GPC6: variants seen among roughly 807,000 people sequenced by gnomAD.
GPC6 encodes glypican 6.
GPC6 carries 14 observed loss-of-function variants against 55.2 expected under a neutral mutation model. The observed-to-expected ratio is 0.25, with a 90% confidence interval of 0.17 to 0.40. The LOEUF (loss-of-function observed/expected upper bound fraction) is 0.40, where lower values mean the gene tolerates loss of function less well. GPC6 is among the 10% of genes least tolerant of loss of function. The probability of loss-of-function intolerance (pLI) is 1.00; values close to 1 mark genes in which losing one functional copy is unlikely to be tolerated. For missense variants in GPC6, 641 were observed against 708.5 expected (o/e 0.90, Z 1.08); for synonymous variants, 278 against 259.6 (o/e 1.07, Z -0.68).
chr13:93,978,699 A>T (rs962758897), intron 3 of GPC6, among the ~76,000 whole-genome samples: 3 of 152,126 alleles, frequency 2.0e-5, no homozygotes, highest in African/African-American at 7.2e-5. Flanking sequence ...CTAGTCTACA[A>T]GGTCCACTTC....
intron 3 of GPC6, among the ~76,000 whole-genome samples, chr13:93,925,482 T>C (rs1877809994): frequency 6.6e-6 from 1 of 152,204 alleles, no homozygotes; most frequent in Non-Finnish European, 1.5e-5. Flanking sequence ...ATAAAAGTTG[T>C]ATGTAAAACT....
At chr13:93,397,868 T>C (rs962131219) in intron 1 of GPC6, among the ~76,000 whole-genome samples, 4 of 152,172 alleles carry the variant, frequency 2.6e-5, no homozygotes, top group African/African-American at 2.4e-5. Flanking sequence ...TTTATGACCC[T>C]GTACAGAGTG....
At chr13:94,204,118 T>A (rs1265327023) in intron 4 of GPC6, among the ~76,000 whole-genome samples, 2 of 152,146 alleles carry the variant, frequency 1.3e-5, no homozygotes, top group African/African-American at 4.8e-5. Flanking sequence ...TAGAAAGGGA[T>A]AGATTTAAAC....
intron 1 of GPC6, among the ~76,000 whole-genome samples, chr13:93,248,594 T>A (rs1030886655): frequency 3.9e-5 from 6 of 152,060 alleles, no homozygotes; most frequent in African/African-American, 1.4e-4. Flanking sequence ...CCTAATTAAG[T>A]ATAAGAGAGG....
chr13:93,840,523 A>C (rs549990890), intron 3 of GPC6, among the ~76,000 whole-genome samples: 1 of 150,366 alleles, frequency 6.7e-6, no homozygotes, highest in East Asian at 2.0e-4. Context: ...TAAAAACAGG[A>C]AAATAATGAA....
At chr13:93,712,687 T>G (rs550262305) in intron 2 of GPC6, among the ~76,000 whole-genome samples, 53 of 151,854 alleles carry the variant, frequency 3.5e-4, no homozygotes, top group African/African-American at 1.3e-3. Context: ...GTCCTGTTTT[T>G]TTTCTCTTCT....
chr13:94,192,182 G>A (rs1380027476), intron 4 of GPC6, among the ~76,000 whole-genome samples: 1 of 152,058 alleles, frequency 6.6e-6, no homozygotes, highest in Non-Finnish European at 1.5e-5. Context: ...TGAAATGCAG[G>A]CAACTCTGGA....
At chr13:93,308,178 G>T (rs536913825) in intron 1 of GPC6, among the ~76,000 whole-genome samples, 1 of 152,082 alleles carries the variant, frequency 6.6e-6, no homozygotes. Flanking sequence ...CCAGCTACTC[G>T]GGAGGCTGAG....
At chr13:94,113,237 T>C (rs901881909) in intron 4 of GPC6, among the ~76,000 whole-genome samples, 2 of 152,128 alleles carry the variant, frequency 1.3e-5, no homozygotes, top group African/African-American at 4.8e-5. Flanking sequence ...ACCCATTGTC[T>C]GTGTTCTATG....
At chr13:94,257,604 T>G (rs1191921434) in intron 4 of GPC6, among the ~76,000 whole-genome samples, 1 of 151,984 alleles carries the variant, frequency 6.6e-6, no homozygotes, top group Non-Finnish European at 1.5e-5. Context: ...CCCTGAGAAA[T>G]AGACCAAAGC....
chr13:93,220,158 G>T, the GPC6 span, among the ~76,000 whole-genome samples: 1 of 152,176 alleles, frequency 6.6e-6, no homozygotes, highest in South Asian at 2.1e-4. Flanking sequence ...CTTTAAATCT[G>T]TGAAACCATT....
At chr13:93,846,229 G>C (rs1004861576) in intron 3 of GPC6, among the ~76,000 whole-genome samples, 2 of 152,034 alleles carry the variant, frequency 1.3e-5, no homozygotes, top group Non-Finnish European at 2.9e-5. Context: ...TTCTCTTCCT[G>C]TTCAATGTAA....
chr13:93,506,540 A>C lies in GPC6; in HGVS notation c.161-38723A>C, dbSNP rs186698900. On this transcript the variant is annotated intron_variant, in intron 1 of 8. Coordinates refer to ENST00000377047, the MANE Select transcript of GPC6 (RefSeq NM_005708.5). Reference sequence around the variant, plus strand: ...TCCTTTCCCTGTGGGAGGGCTAGGCATTTCTGGAGGCTATAAACTCTTCCA... The same window carrying C: ...TCCTTTCCCTGTGGGAGGGCTAGGCCTTTCTGGAGGCTATAAACTCTTCCA... Among the ~76,000 whole-genome samples the C allele has an allele frequency of 2.6e-5, 4 of 152,166 alleles. No individual in the cohort carries two copies. The East Asian group carries it at 5.8e-4, about 22-fold the overall frequency.
intron 4 of GPC6, among the ~76,000 whole-genome samples, chr13:94,222,475 A>G (rs1890413385): frequency 6.6e-6 from 1 of 152,032 alleles, no homozygotes. Context: ...ACTATTTTAA[A>G]TCAGTTCTAG....
intron 6 of GPC6, among the ~76,000 whole-genome samples, chr13:94,333,725 C>T (rs756348175): frequency 2.0e-5 from 3 of 152,182 alleles, no homozygotes; most frequent in Non-Finnish European, 4.4e-5. Context: ...TGGGATTGCA[C>T]AACTAAGTAG....
chr13:93,385,367 C>A (rs1875355070), intron 1 of GPC6, among the ~76,000 whole-genome samples: 1 of 152,198 alleles, frequency 6.6e-6, no homozygotes, highest in African/African-American at 2.4e-5. Flanking sequence ...TTGGAGTTTG[C>A]ACAAAAGTAA....
At chr13:93,318,428 G>A (rs1177706769) in intron 1 of GPC6, among the ~76,000 whole-genome samples, 1 of 152,118 alleles carries the variant, frequency 6.6e-6, no homozygotes, top group Non-Finnish European at 1.5e-5. Flanking sequence ...GGAATAACAT[G>A]TTTTCTAACA....
intron 4 of GPC6, among the ~76,000 whole-genome samples, chr13:94,167,952 A>G (rs1201333292): frequency 1.3e-5 from 2 of 152,228 alleles, no homozygotes; most frequent in Admixed American, 6.5e-5. Flanking sequence ...TATCTATTCC[A>G]TAACAGTTTT....
chr13:94,281,261 A>G (rs1892371869), intron 4 of GPC6, among the ~76,000 whole-genome samples: 1 of 152,144 alleles, frequency 6.6e-6, no homozygotes, highest in Non-Finnish European at 1.5e-5. Flanking sequence ...TACATGTGCC[A>G]TGGTGGTTTG....
Sources: gnomAD v4.1 joint callset for allele counts (sites outside exome capture counted in the v4.1 genomes callset) on GRCh38, gnomAD v4.1.1 for gene constraint, MANE v1.5 for transcripts, NCBI Gene and HGNC (gene_info 2026-07-23, HGNC 2026-07-21) for gene names.